Variants in GLYATL1B observed in about 807,000 individuals in gnomAD.
GLYATL1B encodes putative glycine N-acyltransferase-like protein 1B.
GLYATL1B carries 6 observed loss-of-function variants against 5.5 expected under a neutral mutation model. That is an observed-to-expected ratio of 1.09 (90% CI 0.60 to 2.15). The LOEUF (loss-of-function observed/expected upper bound fraction) is 2.15. Ranked by LOEUF, GLYATL1B falls within the 30% of genes most tolerant of loss-of-function variation. GLYATL1B has a pLI of 0.00. For synonymous variants in GLYATL1B, 67 were observed against 34.9 expected (o/e 1.92, Z -3.24); for missense variants, 135 against 94.1 (o/e 1.43, Z -1.80).
Position 59,094,121 on chromosome 11 carries a change from A to C in GLYATL1B, c.491+10A>C, listed in dbSNP as rs887649539. On this transcript the variant is annotated intron_variant, in intron 4 of 4. Transcript: ENST00000527482. The stretch of plus-strand genomic sequence containing the variant: ...ATGACGAATTGGAGAGGTACAAAAA[A>C]CATGTGCTGATCATTTATAATTGCT... 1.7e-6 allele frequency: 1 copy of C among 603,320 alleles called. No homozygotes were observed. The highest frequency in any genetic ancestry group is 3.0e-6 in the Non-Finnish European group (1 of 333,626). 37.4% of individuals were successfully genotyped at this position (603,320 alleles called of 1,614,324 possible).
intron 2 of GLYATL1B, 131 bp downstream of exon 2, chr11:59,087,302 C>G (rs576995971): frequency 2.5e-6 from 1 of 408,150 alleles, no homozygotes; most frequent in African/African-American, 2.0e-5. Flanking sequence ...TCCTTCAGTA[C>G]TGGGCAGCTT....
intron 1 of GLYATL1B, among the ~76,000 whole-genome samples, 185 bp downstream of exon 1, chr11:59,086,569 C>T (rs924910636): frequency 2.6e-5 from 4 of 152,038 alleles, no homozygotes; most frequent in Admixed American, 6.6e-5. Context: ...GCAACTAGGC[C>T]GACTCTGCAG....
In GLYATL1B at chr11:59,094,569, T is replaced by A. The variant is rs965413054; in HGVS notation, c.692T>A (p.Met231Lys). The A allele has an allele frequency of 1.8e-6, 1 of 542,472 alleles. No homozygotes were observed. The highest frequency in any genetic ancestry group is 1.9e-5 in the African/African-American group (1 of 51,982). The allele number at this position is 542,472 out of a possible 1,614,324, so 33.6% of individuals were successfully genotyped here. Residue 231 changes from methionine to lysine, a missense_variant, in exon 5 of 5, where the codon ATG becomes AAG. Transcript: ENST00000527482. ...VTMDPSCEIG[M>K]GYSVEKYRRR... is the part of the protein sequence containing the mutation. ...ATGGACCCTTCTTGTGAAATAGGAA[T>A]GGGCTACAGTGTGGAAAAATACCGA...
At chr11:59,094,170 C>T (rs1859380574) in intron 4 of GLYATL1B, 59 bp downstream of exon 4, 1 of 529,030 alleles carries the variant, frequency 1.9e-6, no homozygotes, top group Admixed American at 3.4e-5. Flanking sequence ...TTTTGTAATT[C>T]ACATAAATCA....
Position 59,093,490 on chromosome 11 carries a change from G to C in GLYATL1B, c.187-39G>C, listed in dbSNP as rs542530126. The C allele has an allele frequency of 8.4e-5, 40 of 474,944 alleles. No homozygotes were observed. In the East Asian group the frequency reaches 1.2e-3, roughly 15 times the overall value. The allele number at this position is 474,944 out of a possible 1,614,324, so 29.4% of individuals were successfully genotyped here. A position where few individuals can be genotyped will look rare whatever the true frequency, so the allele number is the denominator to read the frequency against. On this transcript the variant is annotated intron_variant, in intron 2 of 4. Transcript: ENST00000527482. ...GCAATCAGTGAGAGGAGAAGAAAAA[G>C]TTCAAGGGAATGATCTGACCTTTCA...
At chr11:59,087,497 G>C (rs574930352) in intron 2 of GLYATL1B, among the ~76,000 whole-genome samples, 2 of 152,056 alleles carry the variant, frequency 1.3e-5, no homozygotes, top group Non-Finnish European at 2.9e-5. Context: ...GGCTGTCTGA[G>C]ATATTGGAAC....
intron 2 of GLYATL1B, among the ~76,000 whole-genome samples, chr11:59,087,693 C>A (rs1408794951): frequency 1.3e-5 from 2 of 151,982 alleles, no homozygotes; most frequent in Non-Finnish European, 2.9e-5. Flanking sequence ...AAAAAATAAA[C>A]AAAATTAGCA....
At chr11:59,086,759 C>G (rs397832373) in intron 1 of GLYATL1B, among the ~76,000 whole-genome samples, 38 of 151,804 alleles carry the variant, frequency 2.5e-4, no homozygotes, top group South Asian at 8.3e-4. Context: ...AATATTAGTA[C>G]CTACCTCTTA....
intron 2 of GLYATL1B, among the ~76,000 whole-genome samples, chr11:59,089,477 A>G (rs1188216985): frequency 6.6e-6 from 1 of 152,178 alleles, no homozygotes; most frequent in Non-Finnish European, 1.5e-5. Flanking sequence ...TCTGTGGAAG[A>G]ATTGTTTCCC....
At chr11:59,090,304 C>A in intron 2 of GLYATL1B, among the ~76,000 whole-genome samples, 1 of 151,780 alleles carries the variant, frequency 6.6e-6, no homozygotes, top group Non-Finnish European at 1.5e-5. Context: ...TTTTCAGTTC[C>A]CCAATTTCCC....
At chr11:59,087,959 T>C (rs1396956624) in intron 2 of GLYATL1B, among the ~76,000 whole-genome samples, 7 of 152,222 alleles carry the variant, frequency 4.6e-5, no homozygotes, top group Non-Finnish European at 8.8e-5. Flanking sequence ...AGAACAATTT[T>C]ACAAAGTGAG....
At chr11:59,093,418 G>C in intron 2 of GLYATL1B, 111 bp from the exon 3 acceptor site, 1 of 407,908 alleles carries the variant, frequency 2.5e-6, no homozygotes, top group Non-Finnish European at 4.4e-6. Flanking sequence ...CAGCCATCGT[G>C]GGCTAGTGCT....
intron 1 of GLYATL1B, 118 bp downstream of exon 1, chr11:59,086,502 G>A: frequency 2.5e-6 from 1 of 394,620 alleles, no homozygotes; most frequent in Non-Finnish European, 4.5e-6. Context: ...TGGGAAACAG[G>A]ATGGGGTTGG....
At chr11:59,087,574 A>G (rs548927307) in intron 2 of GLYATL1B, among the ~76,000 whole-genome samples, 50 of 152,226 alleles carry the variant, frequency 3.3e-4, no homozygotes, top group South Asian at 2.1e-3. Context: ...GCCAGGCATG[A>G]TGTCTTTTAT....
chr11:59,089,519 T>G (rs1351822255), intron 2 of GLYATL1B, among the ~76,000 whole-genome samples: 4 of 152,194 alleles, frequency 2.6e-5, no homozygotes, highest in African/African-American at 9.6e-5. Context: ...GTTATCCTTC[T>G]TCTACTTTAT....
At chr11:59,088,631 G>A (rs1037104709) in intron 2 of GLYATL1B, among the ~76,000 whole-genome samples, 1 of 152,176 alleles carries the variant, frequency 6.6e-6, no homozygotes, top group Non-Finnish European at 1.5e-5. Context: ...TAGTCACTAT[G>A]TGTATTTTAA....
At chr11:59,088,221 T>C (rs1413509998) in intron 2 of GLYATL1B, among the ~76,000 whole-genome samples, 3 of 152,228 alleles carry the variant, frequency 2.0e-5, no homozygotes, top group Non-Finnish European at 4.4e-5. Context: ...ACACTTAGTA[T>C]ATAGCACATA....
chr11:59,093,093 G>T (rs940466263), intron 2 of GLYATL1B, among the ~76,000 whole-genome samples: 5 of 152,176 alleles, frequency 3.3e-5, no homozygotes, highest in African/African-American at 7.2e-5. Context: ...ATATATAACA[G>T]GGGGATATGT....
intron 1 of GLYATL1B, 39 bp from the exon 2 acceptor site, chr11:59,087,025 G>C (rs1408723723): frequency 6.9e-6 from 4 of 578,618 alleles, no homozygotes; most frequent in Admixed American, 4.9e-5. Flanking sequence ...CATCTCTGGG[G>C]ATCTCAGCCT....
Sources: allele counts gnomAD v4.1 joint callset (sites outside exome capture counted in the v4.1 genomes callset), GRCh38; gene constraint gnomAD v4.1.1; transcripts MANE v1.5; gene names NCBI Gene and HGNC (gene_info 2026-07-23, HGNC 2026-07-21).